The following POC1B variants were observed in gnomAD, a reference collection of about 807,000 sequenced individuals.
POC1B encodes the protein POC1 centriolar protein B, also known as POC1 centriolar protein homolog B.
Under a neutral mutation model 60.6 loss-of-function variants are expected in POC1B, and 44 were observed. That is an observed-to-expected ratio of 0.73 (90% CI 0.57 to 0.93). POC1B has a LOEUF of 0.93. Among genes scored for constraint, POC1B ranks in the 40% least tolerant of loss-of-function variants. POC1B has a pLI of 0.00. For missense variants in POC1B, 555 were observed against 572.3 expected (o/e 0.97, Z 0.31); for synonymous variants, 180 against 198.9 (o/e 0.90, Z 0.80).
chr12:89,496,612 G>A (rs1464459370), intron 3 of POC1B, among the ~76,000 whole-genome samples: 1 of 152,104 alleles, frequency 6.6e-6, no homozygotes, highest in Admixed American at 6.6e-5. Flanking sequence ...AAATAGATGG[G>A]CTATTAGTTA....
chr12:89,525,408 C>T, intron 1 of POC1B: 1 of 1,387,902 alleles, frequency 7.2e-7, no homozygotes, highest in East Asian at 2.9e-5. Flanking sequence ...CCAGCTCTCC[C>T]CGCAGAGCCC....
chr12:89,434,265 A>G (rs908693648), intron 10 of POC1B, among the ~76,000 whole-genome samples: 4 of 152,216 alleles, frequency 2.6e-5, no homozygotes, highest in African/African-American at 9.7e-5. Context: ...TTGAGAGCAA[A>G]TTGGAAATTG....
chr12:89,472,945 T>C (rs1882959876), intron 4 of POC1B, among the ~76,000 whole-genome samples: 1 of 152,260 alleles, frequency 6.6e-6, no homozygotes, highest in South Asian at 2.1e-4. Context: ...TCTGCTGTTT[T>C]ATGCTGTCTA....
chr12:89,430,721 A>G (rs1321782030), intron 10 of POC1B, among the ~76,000 whole-genome samples: 2 of 152,128 alleles, frequency 1.3e-5, no homozygotes, highest in Non-Finnish European at 2.9e-5. Context: ...GTGTTTACAT[A>G]TCCGTATTCC....
At chr12:89,416,671 A>G (rs1001799348), downstream of POC1B, among the ~76,000 whole-genome samples, 2 of 152,240 alleles carry the variant, frequency 1.3e-5, no homozygotes, top group African/African-American at 4.8e-5. Flanking sequence ...CATTGCTGCC[A>G]TGGAGGAATA....
At chr12:89,406,152 A>T in the POC1B span, among the ~76,000 whole-genome samples, 1 of 152,110 alleles carries the variant, frequency 6.6e-6, no homozygotes, top group African/African-American at 2.4e-5. Context: ...GGCCAAGCTG[A>T]GTTGCAAAGG....
At chr12:89,487,764 G>A (rs190164359) in intron 4 of POC1B, among the ~76,000 whole-genome samples, 8 of 152,130 alleles carry the variant, frequency 5.3e-5, no homozygotes, top group African/African-American at 1.2e-4. Flanking sequence ...TTCCCTCTTC[G>A]CACCTGACAA....
chr12:89,525,018 G>C (rs1020790487), intron 2 of POC1B, 102 bp downstream of exon 2: 1 of 1,520,928 alleles, frequency 6.6e-7, no homozygotes, highest in East Asian at 2.4e-5. Flanking sequence ...CCTCATACAG[G>C]CCCTTAGCCG....
intron 4 of POC1B, among the ~76,000 whole-genome samples, chr12:89,480,304 T>G (rs1291461596): frequency 6.6e-6 from 1 of 152,026 alleles, no homozygotes; most frequent in Non-Finnish European, 1.5e-5. Flanking sequence ...GCCCAGATAA[T>G]TTTTGTATTT....
chr12:89,433,751 C>T (rs1003410992), intron 10 of POC1B, among the ~76,000 whole-genome samples: 1 of 152,184 alleles, frequency 6.6e-6, no homozygotes, highest in African/African-American at 2.4e-5. Flanking sequence ...CTCGGATAGT[C>T]ACAGAGTTCA....
chr12:89,516,281 G>C (rs2135764399), intron 2 of POC1B, among the ~76,000 whole-genome samples: 1 of 152,194 alleles, frequency 6.6e-6, no homozygotes, highest in South Asian at 2.1e-4. Flanking sequence ...TCTACAGGTT[G>C]GATATCTTCA....
chr12:89,497,877 G>A (rs1313969644), intron 2 of POC1B, among the ~76,000 whole-genome samples: 1 of 152,174 alleles, frequency 6.6e-6, no homozygotes, highest in Admixed American at 6.5e-5. Flanking sequence ...CATTTGGTTT[G>A]TAATTTGCTC....
chr12:89,484,786 T>C (rs1374562050), intron 4 of POC1B, among the ~76,000 whole-genome samples: 1 of 152,162 alleles, frequency 6.6e-6, no homozygotes, highest in Non-Finnish European at 1.5e-5. Flanking sequence ...GTGCAACAAC[T>C]GCAACAAGCA....
At chr12:89,520,293 A>G (rs1323560080) in intron 2 of POC1B, 3 of 152,202 alleles carry the variant, frequency 2.0e-5, no homozygotes. Flanking sequence ...CAGGAGCATC[A>G]AGATACTAAA....
chr12:89,472,102 A>G lies in POC1B; in HGVS notation c.560+66T>C, dbSNP rs151003377. On this transcript the variant is annotated intron_variant, in intron 5 of 11. Coordinates refer to ENST00000313546, the MANE Select transcript of POC1B (RefSeq NM_172240.3). ...TTTCTTTACTCATTTATTTATTTAA[A>G]TTGTTATAATCAAACGTCTCCTTAG... The G allele has an allele frequency of 6.4e-4, 679 of 1,065,098 alleles. 9 individuals carry two copies. The African/African-American group carries it at 0.01, about 16-fold the overall frequency. The allele number at this position is 1,065,098 out of a possible 1,614,324, so 66.0% of individuals were successfully genotyped here.
intron 9 of POC1B, chr12:89,461,144 A>T (rs1180688774): frequency 1.3e-5 from 2 of 152,052 alleles, no homozygotes; most frequent in Non-Finnish European, 2.9e-5. Context: ...AAAAAAAAAA[A>T]ATTGCAAAAA....
At chr12:89,458,201 C>T (rs1401712544) in intron 10 of POC1B, among the ~76,000 whole-genome samples, 2 of 152,194 alleles carry the variant, frequency 1.3e-5, no homozygotes, top group East Asian at 3.9e-4. Context: ...TCTCATAAAC[C>T]TCCTGTTTGC....
At chr12:89,502,424 T>G (rs1592632455) in intron 2 of POC1B, 1 of 1,374,458 alleles carries the variant, frequency 7.3e-7, no homozygotes, top group East Asian at 2.3e-5. Context: ...AGTGGAATAC[T>G]ATCTCCAGGC....
intron 3 of POC1B, among the ~76,000 whole-genome samples, chr12:89,496,684 C>T (rs143004297): frequency 2.0e-5 from 3 of 152,232 alleles, no homozygotes; most frequent in African/African-American, 7.2e-5. Flanking sequence ...ACAAATTCAA[C>T]GATTTAAACT....
Sources: allele counts gnomAD v4.1 joint callset (sites outside exome capture counted in the v4.1 genomes callset), GRCh38; gene constraint gnomAD v4.1.1; transcripts MANE v1.5; gene names NCBI Gene and HGNC (gene_info 2026-07-23, HGNC 2026-07-21).